Variants in CHN1 observed in about 807,000 individuals in gnomAD.
CHN1 encodes the protein chimerin 1.
A neutral mutation model predicts 59.5 loss-of-function variants in CHN1; 37 were observed. The ratio of observed to expected loss-of-function variants is 0.62; its 90% CI spans 0.48 to 0.82. The LOEUF is 0.82. Ranked by LOEUF, CHN1 falls within the 40% of genes least tolerant of loss-of-function variation. CHN1 has a pLI of 0.00. For synonymous variants in CHN1, 206 were observed against 200.4 expected (o/e 1.03, Z -0.24); for missense variants, 469 against 571.0 (o/e 0.82, Z 1.82).
At chr2:174,802,281 G>C (rs2105371501) in intron 11 of CHN1, among the ~76,000 whole-genome samples, 1 of 152,300 alleles carries the variant, frequency 6.6e-6, no homozygotes, top group South Asian at 2.1e-4. Flanking sequence ...ATGACCCCAA[G>C]AAAGTCTTAT....
chr2:174,943,719 C>A (rs1373455990), intron 3 of CHN1, among the ~76,000 whole-genome samples: 1 of 152,126 alleles, frequency 6.6e-6, no homozygotes, highest in Non-Finnish European at 1.5e-5. Context: ...ATAAGGTGCT[C>A]TTCATCCACT....
At chr2:174,953,238 C>T (rs1690082449) in intron 1 of CHN1, among the ~76,000 whole-genome samples, 1 of 151,498 alleles carries the variant, frequency 6.6e-6, no homozygotes. Context: ...TGGTCATAGA[C>T]ATAAGACATT....
In CHN1 at chr2:174,803,711, T is replaced by C. The variant is rs201144697; in HGVS notation, c.1103-1899A>G. Among the ~76,000 whole-genome samples the C allele has an allele frequency of 8.5e-5, 13 of 152,180 alleles. No individual in the cohort carries two copies. The East Asian group carries it at 2.3e-3, about 27-fold the overall frequency. Reference sequence around the variant, plus strand: ...CTGGGACTGTGGGTGTGTACCACCATGTCCAGCTAAATGTTAATTTTTTAT... The same window carrying C: ...CTGGGACTGTGGGTGTGTACCACCACGTCCAGCTAAATGTTAATTTTTTAT... On this transcript the variant is annotated intron_variant, in intron 11 of 12. Transcript: ENST00000409900.
At chr2:174,892,683 C>G (rs1231878222) in intron 5 of CHN1, among the ~76,000 whole-genome samples, 1 of 152,144 alleles carries the variant, frequency 6.6e-6, no homozygotes, top group Non-Finnish European at 1.5e-5. Flanking sequence ...AGACCAATAT[C>G]CTTGATGAAT....
intron 7 of CHN1, among the ~76,000 whole-genome samples, chr2:174,841,137 C>T (rs1164865212): frequency 1.3e-5 from 2 of 152,128 alleles, no homozygotes; most frequent in Non-Finnish European, 2.9e-5. Flanking sequence ...ATGTGCAAAC[C>T]AACAAGAACT....
intron 5 of CHN1, among the ~76,000 whole-genome samples, chr2:174,899,405 TA>T (rs779947971): frequency 6.6e-6 from 1 of 152,170 alleles, no homozygotes; most frequent in Non-Finnish European, 1.5e-5. Context: ...CTAGATTGTG[TA>T]AAGAGGTCAA....
intron 1 of CHN1, among the ~76,000 whole-genome samples, chr2:174,995,815 A>G: frequency 6.6e-6 from 1 of 152,204 alleles, no homozygotes; most frequent in South Asian, 2.1e-4. Context: ...GTCACTTAGT[A>G]GCCACTTAAA....
intron 1 of CHN1, among the ~76,000 whole-genome samples, chr2:174,992,136 A>G (rs1032718817): frequency 3.9e-5 from 6 of 152,222 alleles, no homozygotes; most frequent in African/African-American, 1.4e-4. Context: ...AGAAAGAAGT[A>G]TGAAAGCCAT....
At chr2:174,840,443 G>T (rs1479024169) in intron 7 of CHN1, among the ~76,000 whole-genome samples, 2 of 152,054 alleles carry the variant, frequency 1.3e-5, no homozygotes, top group Non-Finnish European at 2.9e-5. Flanking sequence ...AGGGATTACA[G>T]GCATGAGCCA....
At chr2:174,956,573 C>T (rs1052446261) in intron 1 of CHN1, among the ~76,000 whole-genome samples, 3 of 151,944 alleles carry the variant, frequency 2.0e-5, no homozygotes, top group African/African-American at 4.8e-5. Context: ...GAACTCGAGA[C>T]CAGCCTTGGC....
At chr2:174,831,807 A>G (rs990029185) in intron 7 of CHN1, among the ~76,000 whole-genome samples, 4 of 152,190 alleles carry the variant, frequency 2.6e-5, no homozygotes, top group African/African-American at 9.6e-5. Flanking sequence ...AAGCTTCATT[A>G]CTGAGATGAA....
chr2:174,812,047 A>C (rs1415089394), intron 9 of CHN1: 1 of 347,076 alleles, frequency 2.9e-6, no homozygotes, highest in Non-Finnish European at 5.1e-6. Context: ...TTTACCTGTC[A>C]ACTTTTGCAG....
chr2:174,811,586 G>C lies in CHN1; in HGVS notation c.889C>G (p.Leu297Val), dbSNP rs1272933640. 1.3e-6 allele frequency: 2 copies of C among 1,594,616 alleles called. No individual in the cohort carries two copies. Among genetic ancestry groups the C allele is most frequent in the African/African-American group, 1.3e-5 (1 of 74,364 alleles). ...MCIREIESRG[L>V]NSEGLYRVSG... ...ACTCGGTATAGTCCTTCAGAATTAA[G>C]ACCTGAAAAATAAAACTAGTTAGTT... The change falls in exon 10 of 13, where the codon CTT becomes GTT. Residue 297 changes from leucine (L) to valine (V), a missense_variant and splice_region_variant. This residue lies in a region of CHN1 where 225 missense variants were observed against 289.9 expected (regional missense o/e 0.78). Coordinates refer to ENST00000409900, the MANE Select transcript of CHN1 (RefSeq NM_001822.7).
intron 1 of CHN1, among the ~76,000 whole-genome samples, chr2:174,980,866 A>C (rs1182786366): frequency 6.6e-6 from 1 of 152,114 alleles, no homozygotes; most frequent in Non-Finnish European, 1.5e-5. Context: ...TGAAGGAAAA[A>C]CTCCAAAGAT....
chr2:175,001,690 G>GC (rs1322236898), intron 1 of CHN1, among the ~76,000 whole-genome samples: 1 of 152,228 alleles, frequency 6.6e-6, no homozygotes, highest in African/African-American at 2.4e-5. Context: ...AGCCAGCCCA[G>GC]CCGACGGTAA....
At chr2:174,873,776 T>G (rs1687478652) in intron 6 of CHN1, among the ~76,000 whole-genome samples, 1 of 152,162 alleles carries the variant, frequency 6.6e-6, no homozygotes, top group African/African-American at 2.4e-5. Flanking sequence ...AACTTAAATG[T>G]TAAAGAAATT....
chr2:174,903,582 T>G (rs1688454701), intron 5 of CHN1, among the ~76,000 whole-genome samples: 1 of 152,184 alleles, frequency 6.6e-6, no homozygotes, highest in Admixed American at 6.5e-5. Flanking sequence ...CTAAACACTT[T>G]TATTTCAAAA....
At chr2:174,801,103 T>TA (rs1374574885) in intron 12 of CHN1, among the ~76,000 whole-genome samples, 1 of 152,210 alleles carries the variant, frequency 6.6e-6, no homozygotes, top group East Asian at 1.9e-4. Context: ...CTTCAACTGA[T>TA]AGAGATCGAG....
rs1685070236 is a variant in CHN1 at position 174,811,432 on chromosome 2, A to T, written c.964+79T>A. ...TCAATGATTTAGAAAAATAATGCAA[A>T]AAATACCTCACAAGAAATTGTGCCT... On this transcript the variant is annotated intron_variant, in intron 10 of 12. Transcript: ENST00000409900. The T allele has an allele frequency of 8.4e-6, 8 of 949,202 alleles. No homozygotes were observed. In the East Asian group the frequency reaches 2.1e-4, roughly 25 times the overall value. The allele number at this position is 949,202 out of a possible 1,614,324, so 58.8% of individuals were successfully genotyped here. A position where few individuals can be genotyped will look rare whatever the true frequency, so the allele number is the denominator to read the frequency against.
Sources: allele counts gnomAD v4.1 joint callset (sites outside exome capture counted in the v4.1 genomes callset), GRCh38; gene constraint gnomAD v4.1.1; regional missense constraint gnomAD v4.1.1; transcripts MANE v1.5; gene names NCBI Gene and HGNC (gene_info 2026-07-23, HGNC 2026-07-21).